Variants in COMMD1 observed in about 807,000 individuals in gnomAD.
COMMD1 encodes COMM domain-containing protein 1.
A neutral mutation model predicts 17.2 loss-of-function variants in COMMD1; 10 were observed. That is an observed-to-expected ratio of 0.58 (90% CI 0.36 to 0.99). The LOEUF is 0.99. COMMD1 is among the 50% of genes least tolerant of loss of function. The pLI is 0.01. For missense variants in COMMD1, 270 were observed against 231.8 expected (o/e 1.17, Z -1.07); for synonymous variants, 97 against 91.6 (o/e 1.06, Z -0.34).
chr2:62,041,052 G>A (rs945169844), intron 2 of COMMD1, among the ~76,000 whole-genome samples: 1 of 152,104 alleles, frequency 6.6e-6, no homozygotes, highest in Non-Finnish European at 1.5e-5. Flanking sequence ...TCACACTGCT[G>A]TACTCTACCC....
intron 2 of COMMD1, among the ~76,000 whole-genome samples, chr2:62,076,585 A>T (rs1671341722): frequency 6.6e-6 from 1 of 152,144 alleles, no homozygotes. Context: ...CGTCGCTACT[A>T]AAAACACAAA....
intron 2 of COMMD1, among the ~76,000 whole-genome samples, chr2:62,014,754 G>A (rs954723537): frequency 3.3e-5 from 5 of 151,244 alleles, no homozygotes; most frequent in African/African-American, 1.2e-4. Flanking sequence ...TAGAGATGGG[G>A]TGTCACCATA....
At chr2:61,927,546 G>A (rs112423666) in intron 1 of COMMD1, among the ~76,000 whole-genome samples, 41 of 151,988 alleles carry the variant, frequency 2.7e-4, no homozygotes, top group African/African-American at 9.4e-4. Flanking sequence ...ATGCCCGCCC[G>A]CCACCATGCC....
At chr2:62,058,141 A>G (rs1670759878) in intron 2 of COMMD1, among the ~76,000 whole-genome samples, 1 of 152,104 alleles carries the variant, frequency 6.6e-6, no homozygotes, top group Non-Finnish European at 1.5e-5. Flanking sequence ...TTAGCATTTG[A>G]TCTGTATTGG....
intron 2 of COMMD1, among the ~76,000 whole-genome samples, chr2:62,129,859 T>A (rs1672977607): frequency 6.6e-6 from 1 of 152,178 alleles, no homozygotes; most frequent in Non-Finnish European, 1.5e-5. Flanking sequence ...ATAGGCTTTA[T>A]GGCCAAAGTT....
At chr2:61,895,805 C>T (rs1317123089) in intron 1 of COMMD1, among the ~76,000 whole-genome samples, 1 of 152,170 alleles carries the variant, frequency 6.6e-6, no homozygotes, top group Admixed American at 6.5e-5. Context: ...GAGGAAGCCA[C>T]ACCAGTCTGT....
At chr2:62,058,283 A>T (rs189603496) in intron 2 of COMMD1, among the ~76,000 whole-genome samples, 23 of 152,214 alleles carry the variant, frequency 1.5e-4, no homozygotes, top group African/African-American at 4.1e-4. Context: ...TTCTTTTTTC[A>T]TCTATTTATT....
At chr2:62,101,129 A>G (rs910772749) in intron 2 of COMMD1, among the ~76,000 whole-genome samples, 8 of 152,204 alleles carry the variant, frequency 5.3e-5, no homozygotes, top group Admixed American at 1.3e-4. Flanking sequence ...TTAGTCCTCA[A>G]TGGCTTTTCT....
chr2:62,051,687 A>G (rs1429043627), intron 2 of COMMD1, among the ~76,000 whole-genome samples: 1 of 152,166 alleles, frequency 6.6e-6, no homozygotes. Flanking sequence ...ATGAATTTTT[A>G]AGTTTCCTAT....
rs530383297 is a variant in COMMD1 at position 62,105,666 on chromosome 2, A to T, written c.463-30165A>T. ...TGGCAAACCCCCGTGTCTACTAAAA[A>T]TATGAAAATTAGCTGGGGTGGTGGC... is the stretch of plus-strand genomic sequence containing the variant. On this transcript the variant is annotated intron_variant, in intron 2 of 2. Transcript: ENST00000311832. Among the ~76,000 whole-genome samples, 5 of 152,334 alleles carry T rather than the reference A, an allele frequency of 3.3e-5. No homozygotes were observed. In the South Asian group the frequency reaches 1.0e-3, roughly 32 times the overall value.
At chr2:62,061,275 A>C (rs1670846996) in intron 2 of COMMD1, among the ~76,000 whole-genome samples, 1 of 152,128 alleles carries the variant, frequency 6.6e-6, no homozygotes, top group Non-Finnish European at 1.5e-5. Flanking sequence ...TGTATACTGG[A>C]CATTGGGAAT....
At chr2:61,936,857 T>C (rs1191673472) in intron 1 of COMMD1, among the ~76,000 whole-genome samples, 3 of 152,230 alleles carry the variant, frequency 2.0e-5, no homozygotes, top group Non-Finnish European at 4.4e-5. Context: ...GACCTGCCCA[T>C]GACATAATCT....
At chr2:61,987,541 C>A (rs1341352191) in intron 1 of COMMD1, among the ~76,000 whole-genome samples, 2 of 152,182 alleles carry the variant, frequency 1.3e-5, no homozygotes, top group East Asian at 3.8e-4. Context: ...TAAACAGAGT[C>A]ACTTTCTCTG....
intron 2 of COMMD1, among the ~76,000 whole-genome samples, chr2:62,039,985 G>A (rs181030358): frequency 6.2e-4 from 95 of 152,356 alleles, no homozygotes; most frequent in Non-Finnish European, 8.5e-4. Context: ...GCTGGGCACG[G>A]TGGCTTATGC....
At chr2:62,059,193 G>T (rs1446768008) in intron 2 of COMMD1, among the ~76,000 whole-genome samples, 2 of 151,292 alleles carry the variant, frequency 1.3e-5, no homozygotes, top group Non-Finnish European at 2.9e-5. Flanking sequence ...GTCTTGCTTT[G>T]TCACCTAACA....
In COMMD1 at chr2:62,050,437, C is replaced by T. The variant is rs994840786; in HGVS notation, c.462+49455C>T. Among the ~76,000 whole-genome samples, 48 of 152,034 alleles carry T rather than the reference C, an allele frequency of 3.2e-4. 1 individual carries two copies. The highest frequency in any genetic ancestry group is 2.5e-3 in the Admixed American group (38 of 15,258). On this transcript the variant is annotated intron_variant, in intron 2 of 2. Coordinates refer to ENST00000311832, the MANE Select transcript of COMMD1 (RefSeq NM_152516.4). Reference sequence around the variant, plus strand: ...TATCTTTCAGTTATTTTATCCTAAGCGCCAATTAAAAATGTTCTTAAAACA... The same window carrying T: ...TATCTTTCAGTTATTTTATCCTAAGTGCCAATTAAAAATGTTCTTAAAACA...
chr2:61,956,881 G>A (rs953532454), intron 1 of COMMD1, among the ~76,000 whole-genome samples: 2 of 151,936 alleles, frequency 1.3e-5, no homozygotes, highest in East Asian at 1.9e-4. Context: ...CTCCCAAGTA[G>A]CTGGGACCAC....
intron 2 of COMMD1, chr2:62,070,412 G>A (rs1338349572): frequency 6.6e-6 from 1 of 151,892 alleles, no homozygotes; most frequent in Non-Finnish European, 1.5e-5. Context: ...TTAAAAATTA[G>A]CCAGGCATGG....
In COMMD1 at chr2:62,012,270, TACACACACACACACACACAC is replaced by T. The variant is rs57739132; in HGVS notation, c.462+11309_462+11328del. On this transcript the variant is annotated intron_variant, in intron 2 of 2. Coordinates refer to ENST00000311832, the MANE Select transcript of COMMD1 (RefSeq NM_152516.4). ...AGACCTTGTCTCAAACACACACACA[TACACACACACACACACACAC>T]ACACACACACACACACACACGTGAC... Among the ~76,000 whole-genome samples, 44 of 129,936 alleles carry T rather than the reference TACACACACACACACACACAC, an allele frequency of 3.4e-4. 1 individual carries two copies. Among genetic ancestry groups the T allele is most frequent in the Admixed American group, 1.2e-3 (15 of 12,754 alleles). The allele number at this position is 129,936 out of a possible 152,430, so 85.2% of individuals were successfully genotyped here. A position where few individuals can be genotyped will look rare whatever the true frequency, so the allele number is the denominator to read the frequency against.
Sources: allele counts gnomAD v4.1 joint callset (sites outside exome capture counted in the v4.1 genomes callset), GRCh38; gene constraint gnomAD v4.1.1; transcripts MANE v1.5; gene names NCBI Gene and HGNC (gene_info 2026-07-23, HGNC 2026-07-21).